Variants in MORF4L2 observed in about 807,000 individuals in gnomAD.
MORF4L2 encodes the protein mortality factor 4-like protein 2.
MORF4L2 carries 1 observed loss-of-function variant against 12.0 expected under a neutral mutation model. That is an observed-to-expected ratio of 0.08 (90% CI 0.03 to 0.40). The LOEUF is 0.40. Among genes scored for constraint, MORF4L2 ranks in the 10% least tolerant of loss-of-function variants. The probability of loss-of-function intolerance (pLI) is 0.98; values close to 1 mark genes in which losing one functional copy is unlikely to be tolerated. For synonymous variants in MORF4L2, 69 were observed against 81.6 expected (o/e 0.85, Z 0.83); for missense variants, 123 against 214.0 (o/e 0.57, Z 2.65).
rs750042556 is a variant in MORF4L2, at chrX:103,676,287, T to C, written c.741A>G (p.Lys247=). ...AMLAYTPLDE[K]SLALLLGYLH... is the part of the protein sequence containing the mutation. ...AATAGCCCAACAATAATGCAAGGCT[T>C]TTCTCATCAAGGGGCGTATAGGCCA... is the stretch of plus-strand genomic sequence containing the variant. Residue 247 remains lysine (K), a synonymous_variant, in exon 4 of 4, where the codon AAA becomes AAG. Transcript: ENST00000441076. The C allele has an allele frequency of 4.1e-6, 5 of 1,211,142 alleles. No homozygotes were observed. In the East Asian group the frequency reaches 1.5e-4, roughly 36 times the overall value.
At position 103,681,426 on chromosome X, in the gene MORF4L2, T is replaced by C. The variant is rs149908669; in HGVS notation, c.-177-2775A>G. 3.1e-3 allele frequency among the ~76,000 whole-genome samples: 352 copies of C among 112,206 alleles called. 1 individual carries two copies. Among genetic ancestry groups the C allele is most frequent in the Non-Finnish European group, 4.0e-3 (215 of 53,254 alleles). On this transcript the variant is annotated intron_variant, in intron 2 of 3. Coordinates refer to ENST00000441076, the MANE Select transcript of MORF4L2 (RefSeq NM_012286.3). ...TATGCATCCATTTTGAGTCATATAA[T>C]AGATATTCTGTCAAATGAGCATACC...
intron 3 of MORF4L2, among the ~76,000 whole-genome samples, chrX:103,677,846 G>C (rs1186734237): frequency 9.0e-6 from 1 of 111,426 alleles, no homozygotes; most frequent in Non-Finnish European, 1.9e-5. Flanking sequence ...CACAAGAAAT[G>C]GTACATGACA....
chrX:103,679,264 G>A (rs1386128283), intron 2 of MORF4L2, among the ~76,000 whole-genome samples: 3 of 107,230 alleles, frequency 2.8e-5, no homozygotes, highest in Admixed American at 1.0e-4. Context: ...CCAGCACTTC[G>A]GGAGGCCAAG....
At chrX:103,678,999 T>C (rs2073912954) in intron 2 of MORF4L2, among the ~76,000 whole-genome samples, 1 of 111,847 alleles carries the variant, frequency 8.9e-6, no homozygotes, top group African/African-American at 3.2e-5. Flanking sequence ...ATGTTCAATG[T>C]AGTGGTGTTT....
chrX:103,687,273 G>A (rs1373421188), upstream of MORF4L2: 1 of 111,448 alleles, frequency 9.0e-6, no homozygotes, highest in African/African-American at 3.3e-5. Context: ...CCCCAGTCCT[G>A]TGGCGCAACT....
At chrX:103,686,727 T>A (rs1171213056), upstream of MORF4L2, 1 of 109,607 alleles carries the variant, frequency 9.1e-6, no homozygotes, top group East Asian at 2.9e-4. Context: ...GCAACTGATA[T>A]CCATAGGCAG....
At chrX:103,687,521 T>C (rs908457017), upstream of MORF4L2, 1 of 111,689 alleles carries the variant, frequency 9.0e-6, no homozygotes, top group Non-Finnish European at 1.9e-5. Flanking sequence ...GCGTGCGTGA[T>C]GGTGGGGGCG....
chrX:103,678,358 A>G (rs2073897707), intron 3 of MORF4L2, 141 bp downstream of exon 3: 1 of 112,187 alleles, frequency 8.9e-6, no homozygotes, highest in Non-Finnish European at 1.9e-5. Context: ...TTTGGATGCC[A>G]AAGATGATGA....
chrX:103,681,843 A>G (rs944968288), intron 2 of MORF4L2, among the ~76,000 whole-genome samples: 2 of 111,590 alleles, frequency 1.8e-5, no homozygotes, highest in Non-Finnish European at 3.8e-5. Flanking sequence ...GCAAGTCATG[A>G]ACTGACAATC....
At chrX:103,679,787 C>T (rs1339306865) in intron 2 of MORF4L2, among the ~76,000 whole-genome samples, 1 of 95,238 alleles carries the variant, frequency 1.0e-5, no homozygotes, top group Non-Finnish European at 2.0e-5. Flanking sequence ...GCCATTAACA[C>T]TGTAGGCAGG....
In MORF4L2 at chrX:103,676,366, T is replaced by C. The variant is rs1216420738; in HGVS notation, c.662A>G (p.Gln221Arg). The change falls in exon 4 of 4, where the codon CAG (glutamine) becomes CGG (arginine). Residue 221 changes from glutamine to arginine, a missense_variant. Gln to Arg is a conservative substitution (Grantham distance 43). Transcript: ENST00000441076. The stretch of plus-strand genomic sequence containing the variant: ...CAGTAGGTGTGGTGCTCCATAAACC[T>C]GGGACATTGGAGCATCAGGGTGAGC... ...LLAHPDAPMS[Q>R]VYGAPHLLRL... 1.7e-6 allele frequency: 2 copies of C among 1,211,294 alleles called. No homozygotes were observed. Among genetic ancestry groups the C allele is most frequent in the Non-Finnish European group, 2.2e-6 (2 of 895,055 alleles).
chrX:103,680,187 C>T (rs2073957981), intron 2 of MORF4L2, among the ~76,000 whole-genome samples: 1 of 111,398 alleles, frequency 9.0e-6, no homozygotes, highest in Non-Finnish European at 1.9e-5. Flanking sequence ...CTCTGTCAAA[C>T]AAACAAACAA....
At chrX:103,680,073 C>A (rs2073954801) in intron 2 of MORF4L2, among the ~76,000 whole-genome samples, 1 of 110,992 alleles carries the variant, frequency 9.0e-6, no homozygotes, top group Admixed American at 9.6e-5. Flanking sequence ...ATAATCCCAG[C>A]TACTTGGGAG....
rs188224670 is a variant in MORF4L2, at chrX:103,680,284, G to T, written c.-177-1633C>A. ...ATTGGGAAGAAAGGCCTGGATGCTA[G>T]TACTTTCACTAAGCAAACAATATCC... On this transcript the variant is annotated intron_variant, in intron 2 of 3. Transcript: ENST00000441076. Among the ~76,000 whole-genome samples the T allele has an allele frequency of 4.4e-5, 5 of 113,080 alleles. No individual in the cohort carries two copies. In the East Asian group the frequency reaches 1.4e-3, roughly 31 times the overall value.
At chrX:103,682,522 GA>G (rs1384606630) in intron 2 of MORF4L2, among the ~76,000 whole-genome samples, 2 of 107,879 alleles carry the variant, frequency 1.9e-5, no homozygotes, top group South Asian at 3.9e-4. Flanking sequence ...ACATCTTTTT[GA>G]AAAAAAAAGG....
chrX:103,681,090 T>C (rs897924552), intron 2 of MORF4L2, among the ~76,000 whole-genome samples: 1 of 111,526 alleles, frequency 9.0e-6, no homozygotes, highest in Non-Finnish European at 1.9e-5. Context: ...GGGTATATAA[T>C]TGTGAATTGG....
At chrX:103,686,718 C>T (rs774397550), upstream of MORF4L2, 2 of 109,829 alleles carry the variant, frequency 1.8e-5, no homozygotes, top group East Asian at 5.7e-4. Flanking sequence ...GTTTCTCTGG[C>T]AACTGATATC....
At chrX:103,678,915 A>AG (rs1330817937) in intron 2 of MORF4L2, among the ~76,000 whole-genome samples, 1 of 112,013 alleles carries the variant, frequency 8.9e-6, no homozygotes, top group Non-Finnish European at 1.9e-5. Context: ...GGTTCCTGTG[A>AG]GAATTTCATA....
Position 103,675,797 on chromosome X carries a change from G to T in MORF4L2, c.*364C>A. 7.8e-6 allele frequency: 1 copy of T among 128,191 alleles called. No individual in the cohort carries two copies. The highest frequency in any genetic ancestry group is 1.6e-5 in the Non-Finnish European group (1 of 64,114). 10.6% of individuals were successfully genotyped at this position (128,191 alleles called of 1,213,427 possible). ...GGTTTTCAGGTATATACATTAAGTT[G>T]AACCTTTGGCACTAGGAATCAGGGC... On this transcript the variant is annotated 3_prime_UTR_variant, in exon 4 of 4. Coordinates refer to ENST00000441076, the MANE Select transcript of MORF4L2 (RefSeq NM_012286.3).
Sources: gnomAD v4.1 joint callset for allele counts (sites outside exome capture counted in the v4.1 genomes callset) on GRCh38, gnomAD v4.1.1 for gene constraint, MANE v1.5 for transcripts, NCBI Gene and HGNC (gene_info 2026-07-23, HGNC 2026-07-21) for gene names.